HS6ST3: variants seen among roughly 807,000 people sequenced by gnomAD.
HS6ST3 encodes the protein heparan-sulfate 6-O-sulfotransferase 3.
In HS6ST3, 12 loss-of-function variants were observed where a neutral mutation model predicts 36.7. That is an observed-to-expected ratio of 0.33 (90% CI 0.21 to 0.53). The LOEUF is 0.53. Among genes scored for constraint, HS6ST3 ranks in the 20% least tolerant of loss-of-function variants. The pLI is 0.95. For synonymous variants in HS6ST3, 240 were observed against 257.5 expected (o/e 0.93, Z 0.65); for missense variants, 584 against 640.9 (o/e 0.91, Z 0.96).
intron 1 of HS6ST3, among the ~76,000 whole-genome samples, chr13:96,462,164 G>A (rs1026034029): frequency 3.9e-5 from 6 of 152,064 alleles, no homozygotes; most frequent in Non-Finnish European, 8.8e-5. Flanking sequence ...CAACCTCCTG[G>A]GCTCAAGCAA....
intron 1 of HS6ST3, among the ~76,000 whole-genome samples, chr13:96,279,702 C>G (rs981870122): frequency 2.0e-5 from 3 of 152,078 alleles, no homozygotes; most frequent in Non-Finnish European, 4.4e-5. Context: ...TTCTTACCTT[C>G]TTTATCTCAG....
At chr13:96,249,955 G>A (rs950499193) in intron 1 of HS6ST3, among the ~76,000 whole-genome samples, 1 of 152,142 alleles carries the variant, frequency 6.6e-6, no homozygotes, top group Admixed American at 6.6e-5. Flanking sequence ...ACGAGGAGGT[G>A]TCATTTAGTG....
intron 1 of HS6ST3, among the ~76,000 whole-genome samples, chr13:96,737,631 CAAAAAAAAAAAAA>C (rs5805990): frequency 1.5e-5 from 1 of 65,758 alleles, no homozygotes; most frequent in Non-Finnish European, 2.8e-5. Context: ...GACTCCGTCT[CAAAAAAAAAAAAA>C]AAAAAAAAAA....
chr13:96,114,763 A>G (rs1278193235), intron 1 of HS6ST3, among the ~76,000 whole-genome samples: 1 of 152,240 alleles, frequency 6.6e-6, no homozygotes, highest in Non-Finnish European at 1.5e-5. Context: ...CCCCAAATAA[A>G]TAAAACACTG....
At chr13:96,251,051 C>A (rs1242996947) in intron 1 of HS6ST3, among the ~76,000 whole-genome samples, 1 of 152,102 alleles carries the variant, frequency 6.6e-6, no homozygotes, top group Non-Finnish European at 1.5e-5. Context: ...CTGTAATTTT[C>A]TTTTCTTGTA....
chr13:96,743,293 T>A (rs1876486063), intron 1 of HS6ST3, among the ~76,000 whole-genome samples: 1 of 152,094 alleles, frequency 6.6e-6, no homozygotes, highest in South Asian at 2.1e-4. Flanking sequence ...TGTGGAAAAT[T>A]GAGTTTGAAA....
intron 1 of HS6ST3, among the ~76,000 whole-genome samples, chr13:96,225,914 G>A (rs976932585): frequency 3.9e-5 from 6 of 152,144 alleles, no homozygotes; most frequent in Non-Finnish European, 8.8e-5. Flanking sequence ...CATTTATATG[G>A]AGAGTCCTGG....
intron 1 of HS6ST3, among the ~76,000 whole-genome samples, chr13:96,583,546 TAC>T (rs1379275047): frequency 6.6e-6 from 1 of 152,110 alleles, no homozygotes; most frequent in Non-Finnish European, 1.5e-5. Flanking sequence ...TCCAACATCT[TAC>T]CATGACTTTG....
At chr13:96,453,473 AGAT>A (rs2055739994) in intron 1 of HS6ST3, among the ~76,000 whole-genome samples, 2 of 152,210 alleles carry the variant, frequency 1.3e-5, no homozygotes, top group Non-Finnish European at 2.9e-5. Context: ...CACCCTTGAA[AGAT>A]TAGGCCAGCA....
chr13:96,182,656 A>T (rs751809478), intron 1 of HS6ST3, among the ~76,000 whole-genome samples: 1 of 152,196 alleles, frequency 6.6e-6, no homozygotes, highest in Non-Finnish European at 1.5e-5. Flanking sequence ...AAGGCATAGC[A>T]TTCTTTGCAA....
chr13:96,675,861 T>C (rs1279815769), intron 1 of HS6ST3, among the ~76,000 whole-genome samples: 1 of 152,134 alleles, frequency 6.6e-6, no homozygotes, highest in Non-Finnish European at 1.5e-5. Flanking sequence ...CCCTTTTGAT[T>C]AACTGTCAAC....
intron 1 of HS6ST3, among the ~76,000 whole-genome samples, chr13:96,748,440 A>C (rs1016344238): frequency 6.6e-6 from 1 of 152,130 alleles, no homozygotes; most frequent in African/African-American, 2.4e-5. Context: ...CAAAAGTCCT[A>C]AGTTAATATG....
In HS6ST3 at chr13:96,730,001, A is replaced by G. The variant is rs140464428; in HGVS notation, c.708-102489A>G. ...ATTAAAGGATTTTTATCCTTTATGT[A>G]GAAAACAATGGTTTTTAACATGAGA... is the stretch of plus-strand genomic sequence containing the variant. On this transcript the variant is annotated intron_variant, in intron 1 of 1. Coordinates refer to ENST00000376705, the MANE Select transcript of HS6ST3 (RefSeq NM_153456.4). Among the ~76,000 whole-genome samples the G allele has an allele frequency of 2.1e-3, 317 of 152,344 alleles. 3 individuals carry two copies. The highest frequency in any genetic ancestry group is 6.8e-3 in the African/African-American group (284 of 41,580).
intron 1 of HS6ST3, among the ~76,000 whole-genome samples, chr13:96,520,882 T>C (rs148312108): frequency 6.6e-5 from 10 of 152,306 alleles, no homozygotes; most frequent in African/African-American, 2.4e-4. Context: ...TCCAATACTA[T>C]GTTGAATAGG....
At position 96,521,792 on chromosome 13, in the gene HS6ST3, C is replaced by CA. The variant is rs1219708749; in HGVS notation, c.708-310692dup. On this transcript the variant is annotated intron_variant, in intron 1 of 1. Transcript: ENST00000376705. Reference sequence around the variant, plus strand: ...AGTCTATCTATTTTGTTGATCTTTTCAAAAAACCATCTCCTGGATTTATTG... The same window carrying CA: ...AGTCTATCTATTTTGTTGATCTTTTCAAAAAAACCATCTCCTGGATTTATTG... Among the ~76,000 whole-genome samples the CA allele has an allele frequency of 3.9e-5, 6 of 152,096 alleles. No individual in the cohort carries two copies. The East Asian group carries it at 1.2e-3, about 29-fold the overall frequency.
At chr13:96,457,714 A>G (rs980814514) in intron 1 of HS6ST3, among the ~76,000 whole-genome samples, 6 of 152,158 alleles carry the variant, frequency 3.9e-5, no homozygotes, top group Non-Finnish European at 5.9e-5. Flanking sequence ...CAATAGGAAC[A>G]TATTTCTGTA....
intron 1 of HS6ST3, among the ~76,000 whole-genome samples, chr13:96,657,609 G>T (rs530464888): frequency 1.8e-4 from 27 of 152,286 alleles, no homozygotes; most frequent in African/African-American, 6.3e-4. Context: ...CAAATGCTTT[G>T]CTGTGAGTGA....
intron 1 of HS6ST3, among the ~76,000 whole-genome samples, chr13:96,755,642 C>T (rs1360075796): frequency 2.6e-5 from 4 of 152,138 alleles, no homozygotes; most frequent in Non-Finnish European, 4.4e-5. Context: ...GGATTACAGG[C>T]CTGAGCCACC....
intron 1 of HS6ST3, among the ~76,000 whole-genome samples, chr13:96,333,464 A>C (rs1237654928): frequency 2.0e-5 from 3 of 152,198 alleles, no homozygotes; most frequent in Non-Finnish European, 4.4e-5. Flanking sequence ...GACCAGGGCA[A>C]GGAAGAGAGT....
Sources: gnomAD v4.1 joint callset for allele counts (sites outside exome capture counted in the v4.1 genomes callset) on GRCh38, gnomAD v4.1.1 for gene constraint, MANE v1.5 for transcripts, NCBI Gene and HGNC (gene_info 2026-07-23, HGNC 2026-07-21) for gene names.